Variants in LEPR observed in about 807,000 individuals in gnomAD.
LEPR encodes OB receptor.
A neutral mutation model predicts 114.7 loss-of-function variants in LEPR; 56 were observed. The observed-to-expected ratio is 0.49, with a 90% CI of 0.39 to 0.61. LEPR has a LOEUF of 0.61. Among genes scored for constraint, LEPR ranks in the 20% least tolerant of loss-of-function variants. The probability of loss-of-function intolerance (pLI) is 0.00; values close to 1 mark genes in which losing one functional copy is unlikely to be tolerated. For synonymous variants in LEPR, 443 were observed against 461.4 expected (o/e 0.96, Z 0.51); for missense variants, 1,202 against 1,352.9 (o/e 0.89, Z 1.75).
intron 2 of LEPR, among the ~76,000 whole-genome samples, chr1:65,482,826 A>C (rs1647283618): frequency 6.6e-6 from 1 of 152,080 alleles, no homozygotes; most frequent in South Asian, 2.1e-4. Context: ...TCTCTACTAA[A>C]GATACAAAAA....
intron 2 of LEPR, among the ~76,000 whole-genome samples, chr1:65,439,544 C>G (rs181107792): frequency 6.6e-6 from 1 of 152,250 alleles, no homozygotes; most frequent in Admixed American, 6.5e-5. Flanking sequence ...GGGCTGGGTG[C>G]AATGGCTCAT....
At chr1:65,515,218 C>G (rs1387951353) in intron 2 of LEPR, among the ~76,000 whole-genome samples, 1 of 152,200 alleles carries the variant, frequency 6.6e-6, no homozygotes, top group Non-Finnish European at 1.5e-5. Flanking sequence ...TCTTAAGTCA[C>G]TGTGAGTTCT....
At chr1:65,466,338 G>T (rs1476155898) in intron 2 of LEPR, among the ~76,000 whole-genome samples, 7 of 152,118 alleles carry the variant, frequency 4.6e-5, no homozygotes, top group African/African-American at 1.2e-4. Flanking sequence ...TCTTTAAGAA[G>T]GTTGAATATT....
chr1:65,515,802 A>G (rs183668035), intron 2 of LEPR, among the ~76,000 whole-genome samples: 250 of 152,312 alleles, frequency 1.6e-3, no homozygotes, highest in Non-Finnish European at 3.0e-3. Context: ...TTTGGGTTAA[A>G]TTATCTGGCT....
chr1:65,522,670 C>G (rs1649692338), intron 2 of LEPR, among the ~76,000 whole-genome samples: 1 of 152,118 alleles, frequency 6.6e-6, no homozygotes, highest in Admixed American at 6.5e-5. Context: ...AACTAAAATA[C>G]TTGGATAAAA....
intron 11 of LEPR, among the ~76,000 whole-genome samples, chr1:65,608,216 T>C (rs1236929796): frequency 6.6e-6 from 1 of 151,182 alleles, no homozygotes; most frequent in Non-Finnish European, 1.5e-5. Flanking sequence ...ATATTTAGCA[T>C]GTGTTCAGCA....
At position 65,601,309 on chromosome 1, in the gene LEPR, T is replaced by C. The variant is rs1656424346; in HGVS notation, c.995-83T>C. 2.0e-6 allele frequency: 3 copies of C among 1,495,900 alleles called. No homozygotes were observed. In the Admixed American group the frequency reaches 5.1e-5, roughly 26 times the overall value. 92.7% of individuals were successfully genotyped at this position (1,495,900 alleles called of 1,614,324 possible). A position where few individuals can be genotyped will look rare whatever the true frequency, so the allele number is the denominator to read the frequency against. ...TTTTTGGCAGTGTAACTCTGGAATG[T>C]GTTGTGAATATTTTTCGATGTGGTA... On this transcript the variant is annotated intron_variant, in intron 8 of 19. Transcript: ENST00000349533.
At chr1:65,546,074 C>G (rs1389083724) in intron 2 of LEPR, among the ~76,000 whole-genome samples, 1 of 151,872 alleles carries the variant, frequency 6.6e-6, no homozygotes, top group South Asian at 2.1e-4. Flanking sequence ...AATCCTTTCC[C>G]CATTGCTTGT....
intron 2 of LEPR, among the ~76,000 whole-genome samples, chr1:65,551,961 T>G (rs1176270974): frequency 6.6e-6 from 1 of 152,162 alleles, no homozygotes; most frequent in African/African-American, 2.4e-5. Context: ...ATTTCATTAT[T>G]TACCCAGTAG....
chr1:65,516,339 G>A (rs925954392), intron 2 of LEPR, among the ~76,000 whole-genome samples: 2 of 152,178 alleles, frequency 1.3e-5, no homozygotes, highest in East Asian at 1.9e-4. Context: ...AGCTACTTGG[G>A]AGGCTGAGGC....
At chr1:65,423,660 T>TA (rs1389373849) in intron 1 of LEPR, among the ~76,000 whole-genome samples, 2 of 152,002 alleles carry the variant, frequency 1.3e-5, no homozygotes, top group African/African-American at 4.8e-5. Flanking sequence ...CTTTGTCCCT[T>TA]AACATGTGTA....
chr1:65,493,719 C>T (rs1647999268), intron 2 of LEPR: 1 of 151,960 alleles, frequency 6.6e-6, no homozygotes, highest in Non-Finnish European at 1.5e-5. Flanking sequence ...TCTTGTATAT[C>T]GGACCAAAAT....
chr1:65,434,434 TC>T (rs1646530930), intron 2 of LEPR: 9 of 985,258 alleles, frequency 9.1e-6, no homozygotes, highest in Non-Finnish European at 1.1e-5. Flanking sequence ...ATGAAGGGAT[TC>T]TTTATCATGT....
intron 1 of LEPR, 102 bp downstream of exon 1, chr1:65,420,842 T>TCA: frequency 2.2e-6 from 3 of 1,356,612 alleles, no homozygotes; most frequent in Non-Finnish European, 2.0e-6. Context: ...GGGAACGGCC[T>TCA]CACCACCCTT....
chr1:65,421,462 A>C (rs1646249043), intron 1 of LEPR: 2 of 1,536,112 alleles, frequency 1.3e-6, no homozygotes, highest in African/African-American at 1.4e-5. Flanking sequence ...GTATTTTGGT[A>C]GGAAAACATT....
chr1:65,557,414 C>T (rs1394696726), intron 2 of LEPR, among the ~76,000 whole-genome samples: 5 of 152,024 alleles, frequency 3.3e-5, no homozygotes, highest in African/African-American at 1.2e-4. Context: ...TAAAAAATTT[C>T]TGTCACTTTT....
At chr1:65,450,958 T>C (rs1472069515) in intron 2 of LEPR, among the ~76,000 whole-genome samples, 1 of 150,702 alleles carries the variant, frequency 6.6e-6, no homozygotes, top group Non-Finnish European at 1.5e-5. Flanking sequence ...GACTTTTTAA[T>C]GATTGCCATT....
chr1:65,634,339 G>A (rs1658637197), intron 19 of LEPR: 2 of 979,014 alleles, frequency 2.0e-6, no homozygotes, highest in East Asian at 1.1e-4. Context: ...CTTCTAATAG[G>A]TGTCATTGAA....
intron 2 of LEPR, among the ~76,000 whole-genome samples, chr1:65,484,315 A>G (rs973823322): frequency 6.6e-6 from 1 of 152,020 alleles, no homozygotes; most frequent in African/African-American, 2.4e-5. Flanking sequence ...TTAACAAAAT[A>G]TTTTACTTCT....
Sources: allele counts gnomAD v4.1 joint callset (sites outside exome capture counted in the v4.1 genomes callset), GRCh38; gene constraint gnomAD v4.1.1; transcripts MANE v1.5; gene names NCBI Gene and HGNC (gene_info 2026-07-23, HGNC 2026-07-21).